The following DIS3L2 variants were observed in gnomAD, a reference collection of about 807,000 sequenced individuals.
The protein encoded by DIS3L2 is DIS3 like 3'-5' exoribonuclease 2.
DIS3L2 carries 34 observed loss-of-function variants against 97.5 expected under a neutral mutation model. The ratio of observed to expected loss-of-function variants is 0.35; its 90% CI spans 0.27 to 0.46. The LOEUF (loss-of-function observed/expected upper bound fraction) is 0.46. Ranked by LOEUF, DIS3L2 falls within the 20% of genes least tolerant of loss-of-function variation. DIS3L2 has a pLI of 1.00. For synonymous variants in DIS3L2, 435 were observed against 445.2 expected (o/e 0.98, Z 0.29); for missense variants, 1,038 against 1,146.0 (o/e 0.91, Z 1.36).
chr2:232,223,826 C>T (rs370476207), intron 10 of DIS3L2, among the ~76,000 whole-genome samples: 3 of 152,332 alleles, frequency 2.0e-5, no homozygotes, highest in East Asian at 3.9e-4. Flanking sequence ...CAGTGGCTCA[C>T]GCCTGTAATC....
At chr2:232,227,567 T>C (rs899416909) in intron 10 of DIS3L2, among the ~76,000 whole-genome samples, 1 of 152,264 alleles carries the variant, frequency 6.6e-6, no homozygotes, top group African/African-American at 2.4e-5. Context: ...TGTTAACTTT[T>C]GTGACGTCTT....
At chr2:232,248,338 C>T (rs1487318978) in intron 11 of DIS3L2, among the ~76,000 whole-genome samples, 3 of 152,106 alleles carry the variant, frequency 2.0e-5, no homozygotes, top group Non-Finnish European at 4.4e-5. Flanking sequence ...GAGTAAATGG[C>T]TAGTACTGCT....
At chr2:232,008,382 AT>A (rs891100326) in intron 1 of DIS3L2, among the ~76,000 whole-genome samples, 73 of 151,376 alleles carry the variant, frequency 4.8e-4, no homozygotes, top group African/African-American at 1.5e-3. Context: ...GAATTTGTCC[AT>A]TTTTTTTCTA....
At chr2:232,029,944 A>G (rs1694757760) in intron 4 of DIS3L2, 35 bp from the exon 5 acceptor site, 2 of 1,490,488 alleles carry the variant, frequency 1.3e-6, no homozygotes, top group East Asian at 2.4e-5. Context: ...TGTGTTTTTA[A>G]GCTCACTATT....
Position 232,163,595 on chromosome 2 carries a change from A to T in DIS3L2, c.1087A>T (p.Ile363Phe), listed in dbSNP as rs540563766. The T allele has an allele frequency of 9.3e-6, 15 of 1,614,000 alleles. No homozygotes were observed. The African/African-American group carries it at 1.9e-4, about 20-fold the overall frequency. The change falls in exon 9 of 21, where the codon ATT becomes TTT. Residue 363 changes from isoleucine to phenylalanine, a missense_variant. Physicochemically the swap from Ile to Phe is conservative, Grantham distance 21. Around this residue, in one of 3 missense-constraint regions of DIS3L2, gnomAD observed 813 missense variants for 880.1 expected, o/e 0.92. Coordinates refer to ENST00000325385, the MANE Select transcript of DIS3L2 (RefSeq NM_152383.5). Reference sequence around the variant, plus strand: ...TCTTCCTCAAGGCCTGCCATGGACAATTCCACCAGAGGAGTTCAGCAAGAG... The same window carrying T: ...TCTTCCTCAAGGCCTGCCATGGACATTTCCACCAGAGGAGTTCAGCAAGAG... ...ECLPQGLPWT[I>F]PPEEFSKRRD...
chr2:232,090,342 A>G (rs184784430), intron 6 of DIS3L2, among the ~76,000 whole-genome samples: 4 of 152,154 alleles, frequency 2.6e-5, no homozygotes, highest in South Asian at 4.2e-4. Context: ...TGTTATTTAT[A>G]TTACTTCCTT....
At chr2:232,145,463 A>G (rs1690192744) in intron 8 of DIS3L2, among the ~76,000 whole-genome samples, 1 of 152,178 alleles carries the variant, frequency 6.6e-6, no homozygotes, top group Non-Finnish European at 1.5e-5. Context: ...AAGTAATGAG[A>G]GTTTTATTTC....
chr2:232,341,874 A>G (rs1696107916), downstream of DIS3L2, among the ~76,000 whole-genome samples: 1 of 152,176 alleles, frequency 6.6e-6, no homozygotes, highest in Non-Finnish European at 1.5e-5. Flanking sequence ...AGAAGCCCTT[A>G]TGGAGGGGCC....
At chr2:232,029,875 A>G in intron 4 of DIS3L2, 104 bp from the exon 5 acceptor site, 2 of 797,956 alleles carry the variant, frequency 2.5e-6, no homozygotes, top group Non-Finnish European at 4.1e-6. Context: ...GGATAACCTA[A>G]GAATAACTTG....
intron 1 of DIS3L2, among the ~76,000 whole-genome samples, chr2:232,000,705 C>CTTCT (rs1452934262): frequency 8.9e-6 from 1 of 111,964 alleles, no homozygotes; most frequent in Non-Finnish European, 1.8e-5. Context: ...TCTTTCTTTC[C>CTTCT]TTCTTTCTTT....
chr2:232,329,789 T>TTACCAACC, intron 14 of DIS3L2, 24 bp from the exon 15 acceptor site: 1 of 368,622 alleles, frequency 2.7e-6, no homozygotes, highest in Non-Finnish European at 5.1e-6. Flanking sequence ...CAGCGGTCCC[T>TTACCAACC]CCCATCCCAC....
intron 7 of DIS3L2, among the ~76,000 whole-genome samples, chr2:232,134,890 C>T (rs1170943554): frequency 1.3e-5 from 2 of 151,736 alleles, no homozygotes; most frequent in East Asian, 1.9e-4. Flanking sequence ...CACACACACA[C>T]GGTGGCTCTG....
chr2:232,069,330 A>G (rs904562274), intron 5 of DIS3L2, among the ~76,000 whole-genome samples: 1 of 152,230 alleles, frequency 6.6e-6, no homozygotes, highest in African/African-American at 2.4e-5. Context: ...TGTGATTCTA[A>G]AAGGGGAATA....
intron 9 of DIS3L2, among the ~76,000 whole-genome samples, chr2:232,205,691 T>C (rs367552601): frequency 6.6e-6 from 1 of 152,160 alleles, no homozygotes; most frequent in East Asian, 1.9e-4. Flanking sequence ...GTTCACAAAG[T>C]GCAAACTATA....
At chr2:232,031,804 A>G (rs1295159042) in intron 5 of DIS3L2, among the ~76,000 whole-genome samples, 1 of 152,130 alleles carries the variant, frequency 6.6e-6, no homozygotes, top group East Asian at 1.9e-4. Flanking sequence ...TTCCAGCTTC[A>G]TCCATGTCCC....
chr2:232,334,579 G>A (rs993734867), intron 18 of DIS3L2, 52 bp from the exon 19 acceptor site: 31 of 1,601,056 alleles, frequency 1.9e-5, no homozygotes, highest in Non-Finnish European at 2.6e-5. Context: ...GAGGCCTCGA[G>A]GAGCCCAGGG....
At position 232,136,457 on chromosome 2, in the gene DIS3L2, C is replaced by G. The variant is rs1698360624; in HGVS notation, c.703-15C>G. 7.4e-6 allele frequency: 12 copies of G among 1,613,320 alleles called. No homozygotes were observed. Among genetic ancestry groups the G allele is most frequent in the Non-Finnish European group, 1.0e-5 (12 of 1,179,490 alleles). On this transcript the variant is annotated splice_polypyrimidine_tract_variant and intron_variant, in intron 7 of 20. Transcript: ENST00000325385. ...TGCAGATAAACAACATTGACTATATCTTTGGTGTTTTTAGGTGGTTTACAT... is the reference window on the plus strand; with the variant it reads ...TGCAGATAAACAACATTGACTATATGTTTGGTGTTTTTAGGTGGTTTACAT...
intron 1 of DIS3L2, among the ~76,000 whole-genome samples, chr2:232,010,063 C>T (rs183554032): frequency 1.3e-5 from 2 of 152,176 alleles, no homozygotes; most frequent in East Asian, 3.9e-4. Flanking sequence ...TGATAGGAGC[C>T]CCAGGCTAAA....
intron 10 of DIS3L2, among the ~76,000 whole-genome samples, chr2:232,220,856 A>G (rs1692483359): frequency 6.6e-6 from 1 of 152,042 alleles, no homozygotes; most frequent in African/African-American, 2.4e-5. Flanking sequence ...TAATCCCAGC[A>G]CTTTGGGAGG....
Sources: gnomAD v4.1 joint callset for allele counts (sites outside exome capture counted in the v4.1 genomes callset) on GRCh38, gnomAD v4.1.1 for gene constraint, gnomAD v4.1.1 regional missense constraint, MANE v1.5 for transcripts, NCBI Gene and HGNC (gene_info 2026-07-23, HGNC 2026-07-21) for gene names.